The following ZFYVE28 variants were observed in gnomAD, a reference collection of about 807,000 sequenced individuals.
The protein encoded by ZFYVE28 is zinc finger FYVE-type containing 28.
In ZFYVE28, 40 loss-of-function variants were observed where a neutral mutation model predicts 82.1. The ratio of observed to expected loss-of-function variants is 0.49; its 90% CI spans 0.38 to 0.63. The LOEUF (loss-of-function observed/expected upper bound fraction) is 0.63. Among genes scored for constraint, ZFYVE28 ranks in the 30% least tolerant of loss-of-function variants. The probability of loss-of-function intolerance (pLI) is 0.00; values close to 1 mark genes in which losing one functional copy is unlikely to be tolerated. For synonymous variants in ZFYVE28, 612 were observed against 546.1 expected (o/e 1.12, Z -1.68); for missense variants, 1,321 against 1,242.1 (o/e 1.06, Z -0.96).
rs1376070082 is a variant in ZFYVE28 at position 2,320,046 on chromosome 4, C to T, written c.803+124G>A. 1 of 913,440 alleles carries T rather than the reference C, an allele frequency of 1.1e-6. No homozygotes were observed. The highest frequency in any genetic ancestry group is 1.6e-5 in the African/African-American group (1 of 60,840). The allele number at this position is 913,440 out of a possible 1,614,324, so 56.6% of individuals were successfully genotyped here. A position where few individuals can be genotyped will look rare whatever the true frequency, so the allele number is the denominator to read the frequency against. ...GTGACCCCTCCCTAGGGAATATTAA[C>T]CAGCCCATCCTTCCTCACAGAGAGG... On this transcript the variant is annotated intron_variant, in intron 7 of 12. Coordinates refer to ENST00000290974, the MANE Select transcript of ZFYVE28 (RefSeq NM_020972.3). The surrounding 1 kb of genome is among the most constrained non-coding windows in gnomAD (Gnocchi z 5.1).
At chr4:2,271,854 G>T (rs914992288) in intron 10 of ZFYVE28, 75 bp from the exon 11 acceptor site, 1 of 1,384,262 alleles carries the variant, frequency 7.2e-7, no homozygotes, top group Non-Finnish European at 1.0e-6. Context: ...GCACTTGCTG[G>T]GCACAGCTGG....
intron 8 of ZFYVE28, among the ~76,000 whole-genome samples, chr4:2,295,226 A>G (rs1230328563): frequency 6.6e-6 from 1 of 152,168 alleles, no homozygotes; most frequent in Non-Finnish European, 1.5e-5. Flanking sequence ...CAGTGACGCA[A>G]TCTTGGCTCA....
chr4:2,363,385 A>T (rs1726424273), intron 1 of ZFYVE28, among the ~76,000 whole-genome samples: 1 of 151,610 alleles, frequency 6.6e-6, no homozygotes, highest in Non-Finnish European at 1.5e-5. Flanking sequence ...CCTCCCAGGG[A>T]CTGTAACAGC....
At chr4:2,363,320 C>A (rs190092221) in intron 1 of ZFYVE28, among the ~76,000 whole-genome samples, 1 of 152,126 alleles carries the variant, frequency 6.6e-6, no homozygotes, top group Non-Finnish European at 1.5e-5. Flanking sequence ...GCTGAGGACG[C>A]GGCATCCAGA....
chr4:2,343,371 G>A (rs576139052), intron 2 of ZFYVE28: 1 of 152,164 alleles, frequency 6.6e-6, no homozygotes, highest in Non-Finnish European at 1.5e-5. Flanking sequence ...CTTAGGAAGA[G>A]ATACGAAAAC....
chr4:2,276,278 C>T (rs1004475896), intron 8 of ZFYVE28, among the ~76,000 whole-genome samples: 24 of 152,218 alleles, frequency 1.6e-4, no homozygotes, highest in Non-Finnish European at 7.3e-5. Flanking sequence ...GCCCATGGGA[C>T]GGGATCCTCT....
chr4:2,397,272 T>A (rs1439678423), intron 1 of ZFYVE28, among the ~76,000 whole-genome samples: 1 of 150,742 alleles, frequency 6.6e-6, no homozygotes, highest in Non-Finnish European at 1.5e-5. Flanking sequence ...AGGTCAGGAG[T>A]TCAAGACCAG....
intron 7 of ZFYVE28, among the ~76,000 whole-genome samples, chr4:2,316,989 C>CTTT (rs35604630): frequency 8.0e-5 from 10 of 125,778 alleles, no homozygotes; most frequent in Non-Finnish European, 1.1e-4. Context: ...GTTTCTTTAA[C>CTTT]TTTTTTTTTT....
At position 2,270,126 on chromosome 4, in the gene ZFYVE28, T is replaced by TC. The variant is rs1388277483; in HGVS notation, c.*598dup. On this transcript the variant is annotated 3_prime_UTR_variant, in exon 13 of 13. Coordinates refer to ENST00000290974, the MANE Select transcript of ZFYVE28 (RefSeq NM_020972.3). ...TGCCTAGAGGACCACTGGGTCAGCT[T>TC]CCCGCATCTCCCCACTCCAAGAAGA... 2 of 154,022 alleles carry TC rather than the reference T, an allele frequency of 1.3e-5. No homozygotes were observed. Among genetic ancestry groups the TC allele is most frequent in the African/African-American group, 4.8e-5 (2 of 41,398 alleles). 9.5% of individuals were successfully genotyped at this position (154,022 alleles called of 1,614,324 possible).
At chr4:2,301,322 C>T (rs1393501682) in intron 8 of ZFYVE28, among the ~76,000 whole-genome samples, 5 of 152,178 alleles carry the variant, frequency 3.3e-5, no homozygotes, top group Admixed American at 6.5e-5. Context: ...CATGTGCTGC[C>T]GCCCGCTGAC....
chr4:2,333,976 G>A (rs769100530), intron 6 of ZFYVE28, among the ~76,000 whole-genome samples: 8 of 152,092 alleles, frequency 5.3e-5, no homozygotes, highest in East Asian at 1.9e-4. Flanking sequence ...GCCTCTCCCC[G>A]CCAGGACACT....
At chr4:2,414,484 CG>C (rs1732834604) in intron 1 of ZFYVE28, among the ~76,000 whole-genome samples, 1 of 152,134 alleles carries the variant, frequency 6.6e-6, no homozygotes, top group African/African-American at 2.4e-5. Flanking sequence ...TCCTACAAAG[CG>C]GGGGGACAAG....
At chr4:2,274,345 C>G in intron 8 of ZFYVE28, 129 bp from the exon 9 acceptor site, 1 of 1,180,598 alleles carries the variant, frequency 8.5e-7, no homozygotes, top group Non-Finnish European at 1.2e-6. Context: ...GTATCTGTTG[C>G]CCAGATACAC....
chr4:2,348,557 G>C (rs183520726), intron 2 of ZFYVE28, among the ~76,000 whole-genome samples: 2 of 152,174 alleles, frequency 1.3e-5, no homozygotes, highest in Non-Finnish European at 2.9e-5. Context: ...TCAATAATGC[G>C]TAAAAGGATA....
At position 2,304,480 on chromosome 4, in the gene ZFYVE28, G is replaced by A. The variant is rs919031813; in HGVS notation, c.1860C>T (p.Ala620=). 6.2e-7 allele frequency: 1 copy of A among 1,613,232 alleles called. No homozygotes were observed. Among genetic ancestry groups the A allele is most frequent in the African/African-American group, 1.3e-5 (1 of 75,064 alleles). Residue 620 remains alanine, a synonymous_variant, in exon 8 of 13, where the codon GCC becomes GCT. Transcript: ENST00000290974. ...QEEAPPPSED[A]SNGREPKAPT... ...GGGCTTTGGGCTCCCGCCCGTTGGA[G>A]GCATCTTCTGAGGGTGGGGGCGCCT... is the stretch of plus-strand genomic sequence containing the variant.
At chr4:2,284,706 G>T (rs1259783971) in intron 8 of ZFYVE28, among the ~76,000 whole-genome samples, 1 of 152,204 alleles carries the variant, frequency 6.6e-6, no homozygotes, top group Non-Finnish European at 1.5e-5. Context: ...GGCTGAGTCT[G>T]CAATGCACAA....
chr4:2,363,745 CG>C (rs1159076904), intron 1 of ZFYVE28, among the ~76,000 whole-genome samples: 1 of 152,212 alleles, frequency 6.6e-6, no homozygotes, highest in Non-Finnish European at 1.5e-5. Context: ...TTGGCTATGA[CG>C]ATCTTTGCTG....
chr4:2,384,711 G>C (rs983407687), intron 1 of ZFYVE28, among the ~76,000 whole-genome samples: 2 of 152,168 alleles, frequency 1.3e-5, no homozygotes, highest in African/African-American at 4.8e-5. Flanking sequence ...ACACAGCCAA[G>C]ACTTGTGAAC....
chr4:2,384,704 C>T (rs1430513674), intron 1 of ZFYVE28, among the ~76,000 whole-genome samples: 2 of 152,184 alleles, frequency 1.3e-5, no homozygotes, highest in Admixed American at 1.3e-4. Context: ...TGGAAACACA[C>T]AGCCAAGACT....
Sources: gnomAD v4.1 joint callset for allele counts (sites outside exome capture counted in the v4.1 genomes callset) on GRCh38, gnomAD v4.1.1 for gene constraint, Gnocchi (gnomAD v3.1) non-coding constraint, MANE v1.5 for transcripts, NCBI Gene and HGNC (gene_info 2026-07-23, HGNC 2026-07-21) for gene names.